ZBTB16: variants seen among roughly 807,000 people sequenced by gnomAD.
ZBTB16 encodes the protein zinc finger and BTB domain containing 16.
A neutral mutation model predicts 56.8 loss-of-function variants in ZBTB16; 8 were observed. The ratio of observed to expected loss-of-function variants is 0.14; its 90% confidence interval spans 0.08 to 0.25. ZBTB16 has a LOEUF of 0.25. Among genes scored for constraint, ZBTB16 ranks in the 10% least tolerant of loss-of-function variants. The pLI is 1.00. For missense variants in ZBTB16, 625 were observed against 903.0 expected (o/e 0.69, Z 3.95); for synonymous variants, 363 against 368.5 (o/e 0.98, Z 0.17).
chr11:114,247,934 A>C (rs776271076), intron 6 of ZBTB16, among the ~76,000 whole-genome samples: 9 of 149,990 alleles, frequency 6.0e-5, no homozygotes, highest in Non-Finnish European at 1.3e-4. Flanking sequence ...TTTCGCTCTT[A>C]TTGGCCAGGC....
At chr11:114,170,963 C>T (rs1338876400) in intron 3 of ZBTB16, among the ~76,000 whole-genome samples, 1 of 152,172 alleles carries the variant, frequency 6.6e-6, no homozygotes, top group Non-Finnish European at 1.5e-5. Flanking sequence ...TCCCGGATCT[C>T]CCAGTGCCTT....
rs557170238 is a variant in ZBTB16 at position 114,164,537 on chromosome 11, G to A, written c.1366+8103G>A. 4.6e-5 allele frequency among the ~76,000 whole-genome samples: 7 copies of A among 152,312 alleles called. No individual in the cohort carries two copies. In the East Asian group the frequency reaches 1.4e-3, roughly 29 times the overall value. On this transcript the variant is annotated intron_variant, in intron 3 of 6. Transcript: ENST00000335953. ...TATTGTCTGAGGATGAATAGATATGGGGTTATTGGGGAGGGATATTTACGT... is the reference window on the plus strand; with the variant it reads ...TATTGTCTGAGGATGAATAGATATGAGGTTATTGGGGAGGGATATTTACGT...
At chr11:114,104,207 C>T (rs528998991) in intron 2 of ZBTB16, among the ~76,000 whole-genome samples, 1 of 152,256 alleles carries the variant, frequency 6.6e-6, no homozygotes, top group African/African-American at 2.4e-5. Flanking sequence ...GGGACCTAAC[C>T]ATGTTCTTCT....
At chr11:114,186,844 G>T (rs1943371338) in intron 3 of ZBTB16, 108 bp from the exon 4 acceptor site, 5 of 1,056,236 alleles carry the variant, frequency 4.7e-6, no homozygotes, top group Admixed American at 3.7e-5. Flanking sequence ...GATTTTTGCG[G>T]GTGTCCAGTC....
intron 2 of ZBTB16, among the ~76,000 whole-genome samples, chr11:114,093,501 A>G (rs1301371794): frequency 6.6e-6 from 1 of 152,216 alleles, no homozygotes; most frequent in African/African-American, 2.4e-5. Context: ...GAGGCGGTGA[A>G]TAAACACCAA....
At chr11:114,182,588 C>T (rs1045525262) in intron 3 of ZBTB16, among the ~76,000 whole-genome samples, 1 of 152,138 alleles carries the variant, frequency 6.6e-6, no homozygotes, top group Non-Finnish European at 1.5e-5. Context: ...AGAGCTGTGT[C>T]CCTGGAGTTC....
intron 4 of ZBTB16, among the ~76,000 whole-genome samples, chr11:114,231,054 A>G (rs779998626): frequency 7.9e-5 from 12 of 152,208 alleles, no homozygotes; most frequent in Non-Finnish European, 1.5e-4. Flanking sequence ...CAGGGGCCTC[A>G]GGATGACTTT....
intron 2 of ZBTB16, among the ~76,000 whole-genome samples, chr11:114,148,421 C>CTCTCTCTCTATGTCTGTCTG (rs770626931): frequency 3.0e-5 from 1 of 33,578 alleles, no homozygotes; most frequent in African/African-American, 2.1e-4. Context: ...CCCTCCCTCC[C>CTCTCTCTCTATGTCTGTCTG]TCCCTCTCTC....
intron 2 of ZBTB16, among the ~76,000 whole-genome samples, chr11:114,148,336 G>GCTTGCTTC (rs1555143870): frequency 7.6e-5 from 4 of 52,602 alleles, no homozygotes; most frequent in Middle Eastern, 0.013. Context: ...TGGCTGGCTG[G>GCTTGCTTC]CTTCCTTCCT....
chr11:114,226,437 G>T (rs890053941), intron 4 of ZBTB16, among the ~76,000 whole-genome samples: 1 of 152,188 alleles, frequency 6.6e-6, no homozygotes, highest in Admixed American at 6.5e-5. Flanking sequence ...GCCTCCATCT[G>T]CCCCAGCATC....
intron 4 of ZBTB16, among the ~76,000 whole-genome samples, chr11:114,217,056 A>G (rs1051911014): frequency 1.3e-5 from 2 of 152,240 alleles, no homozygotes; most frequent in African/African-American, 4.8e-5. Flanking sequence ...AGAAGTAGAA[A>G]GTAGCCAGGA....
At chr11:114,237,851 A>G (rs1944623681) in intron 4 of ZBTB16, among the ~76,000 whole-genome samples, 2 of 152,072 alleles carry the variant, frequency 1.3e-5, no homozygotes, top group African/African-American at 2.4e-5. Flanking sequence ...CTTTTCTATC[A>G]TCATAGCTGT....
Position 114,063,276 on chromosome 11 carries a change from T to A in ZBTB16, c.-25T>A. 2 of 1,612,240 alleles carry A rather than the reference T, an allele frequency of 1.2e-6. No homozygotes were observed. The highest frequency in any genetic ancestry group is 1.7e-6 in the Non-Finnish European group (2 of 1,179,686). On this transcript the variant is annotated 5_prime_UTR_variant, in exon 2 of 7. Coordinates refer to ENST00000335953, the MANE Select transcript of ZBTB16 (RefSeq NM_006006.6). The surrounding 1 kb of genome is among the most constrained non-coding windows in gnomAD (Gnocchi z 6.5). ...GCAGAGCCCAGAAGGAAAGAAAGCC[T>A]CATGCCTGAGCCGAGGGGAGCACCA...
intron 2 of ZBTB16, among the ~76,000 whole-genome samples, chr11:114,126,290 A>G (rs1336439396): frequency 9.9e-5 from 15 of 152,218 alleles, no homozygotes; most frequent in Non-Finnish European, 1.5e-5. Context: ...TATGTGATCT[A>G]GAAGGAGCCA....
Position 114,061,675 on chromosome 11 carries a change from C to G in ZBTB16, c.-90-1536C>G, listed in dbSNP as rs532574421. The G allele has an allele frequency of 3.3e-4, 51 of 152,378 alleles. 1 individual carries two copies. The highest frequency in any genetic ancestry group is 1.4e-3 in the Admixed American group (22 of 15,300). 9.4% of individuals were successfully genotyped at this position (152,378 alleles called of 1,614,324 possible). ...AGACACGGGGAGGGTCCTGGGCCTGCGCGGTCTTTCTAACACTCCTGTAAG... is the reference window on the plus strand; with the variant it reads ...AGACACGGGGAGGGTCCTGGGCCTGGGCGGTCTTTCTAACACTCCTGTAAG... On this transcript the variant is annotated intron_variant, in intron 1 of 6. Transcript: ENST00000335953.
chr11:114,078,203 G>T (rs141719119), intron 2 of ZBTB16, among the ~76,000 whole-genome samples: 2 of 152,340 alleles, frequency 1.3e-5, no homozygotes, highest in Admixed American at 6.5e-5. Flanking sequence ...GACATGCAGA[G>T]TCTCTGAGAA....
chr11:114,141,740 A>G (rs562620470), intron 2 of ZBTB16, among the ~76,000 whole-genome samples: 71 of 152,352 alleles, frequency 4.7e-4, no homozygotes, highest in African/African-American at 1.6e-3. Context: ...TAGTGGTATC[A>G]GGCTCTGCCA....
Position 114,186,985 on chromosome 11 carries a change from G to C in ZBTB16, c.1400G>C (p.Gly467Ala), listed in dbSNP as rs1304112694. ...AAAGCCTTTGTCTGTGATCAGTGCG[G>C]TGCACAGTTTTCGAAGGAGGATGCC... ...GAKAFVCDQC[G>A]AQFSKEDALE... The change falls in exon 4 of 7, where the codon GGT becomes GCT. Residue 467 changes from glycine (G) to alanine (A), a missense_variant. By Grantham distance (60) the Gly-to-Ala change is moderately conservative. This residue lies in a region of ZBTB16 where 140 missense variants were observed against 214.8 expected (regional missense o/e 0.65). Transcript: ENST00000335953. The C allele has an allele frequency of 3.1e-6, 5 of 1,614,076 alleles. No homozygotes were observed. Among genetic ancestry groups the C allele is most frequent in the Non-Finnish European group, 4.2e-6 (5 of 1,180,002 alleles).
chr11:114,081,975 T>C (rs1398439111), intron 2 of ZBTB16, among the ~76,000 whole-genome samples: 2 of 152,048 alleles, frequency 1.3e-5, no homozygotes, highest in Non-Finnish European at 2.9e-5. Context: ...AACTGTGTGA[T>C]GTTGGCCATC....
Sources: allele counts gnomAD v4.1 joint callset (sites outside exome capture counted in the v4.1 genomes callset), GRCh38; gene constraint gnomAD v4.1.1; regional missense constraint gnomAD v4.1.1; non-coding constraint Gnocchi (gnomAD v3.1); transcripts MANE v1.5; gene names NCBI Gene and HGNC (gene_info 2026-07-23, HGNC 2026-07-21).